The following ASTN1 variants were observed in gnomAD, a reference collection of about 807,000 sequenced individuals.
ASTN1 encodes the protein astrotactin 1, also known as astrotactin-1.
ASTN1 carries 41 observed loss-of-function variants against 140.7 expected under a neutral mutation model. The observed-to-expected ratio is 0.29, with a 90% CI of 0.23 to 0.38. The LOEUF (loss-of-function observed/expected upper bound fraction) is 0.38, where lower values mean the gene tolerates loss of function less well. Ranked by LOEUF, ASTN1 falls within the 10% of genes least tolerant of loss-of-function variation. The probability of loss-of-function intolerance (pLI) is 1.00; values close to 1 mark genes in which losing one functional copy is unlikely to be tolerated. For synonymous variants in ASTN1, 640 were observed against 652.2 expected, an observed-to-expected ratio of 0.98 and a Z score of 0.29; for missense variants, 1,479 against 1,678.8, an observed-to-expected ratio of 0.88 and a Z score of 2.08.
chr1:177,135,647 T>C (rs2102212273), intron 1 of ASTN1, among the ~76,000 whole-genome samples: 1 of 152,320 alleles, frequency 6.6e-6, no homozygotes, highest in Non-Finnish European at 1.5e-5. Context: ...GGGACAGGGC[T>C]GGGCTTGGAT....
Position 177,134,490 on chromosome 1 carries a change from C to A in ASTN1, c.283+29904G>T, listed in dbSNP as rs1682087595. On this transcript the variant is annotated intron_variant, in intron 1 of 22. Coordinates refer to ENST00000361833, the MANE Select transcript of ASTN1 (RefSeq NM_004319.3). Reference sequence around the variant, plus strand: ...TTCTTGATGTTGGTCTGTTCCCCACCAACCCACTGGAGTGGACTTAGGCAA... The same window carrying A: ...TTCTTGATGTTGGTCTGTTCCCCACAAACCCACTGGAGTGGACTTAGGCAA... Among the ~76,000 whole-genome samples the A allele has an allele frequency of 2.0e-5, 3 of 152,166 alleles. No individual in the cohort carries two copies. The South Asian group carries it at 6.2e-4, about 32-fold the overall frequency.
chr1:176,998,144 T>C (rs901596023), intron 8 of ASTN1, among the ~76,000 whole-genome samples: 11 of 152,160 alleles, frequency 7.2e-5, no homozygotes. Context: ...TTAGGGTCAC[T>C]CTATCTCCTT....
intron 1 of ASTN1, among the ~76,000 whole-genome samples, chr1:177,153,453 T>C (rs544920057): frequency 3.9e-5 from 6 of 152,134 alleles, no homozygotes; most frequent in South Asian, 2.1e-4. Context: ...CGACACAAAA[T>C]GGATGAAGAC....
At chr1:177,055,607 G>T (rs901373646) in intron 2 of ASTN1, among the ~76,000 whole-genome samples, 1 of 152,206 alleles carries the variant, frequency 6.6e-6, no homozygotes, top group Non-Finnish European at 1.5e-5. Context: ...CCCCATGAAG[G>T]ATGGCTTGAA....
At chr1:177,139,092 C>T (rs1462335979) in intron 1 of ASTN1, among the ~76,000 whole-genome samples, 1 of 152,148 alleles carries the variant, frequency 6.6e-6, no homozygotes, top group Non-Finnish European at 1.5e-5. Context: ...CAGATGAGAA[C>T]TCATGCATTT....
In ASTN1 at chr1:176,946,057, A is replaced by G. The variant is rs1236144526; in HGVS notation, c.2118T>C (p.Cys706=). Residue 706 remains cysteine (C), a synonymous_variant, in exon 13 of 23, where the codon TGT becomes TGC. Coordinates refer to ENST00000361833, the MANE Select transcript of ASTN1 (RefSeq NM_004319.3). ...TTTCCCCACAGTCACTTCCCTCTGG[A>G]CAGGTCTCCGTGATGAGTTGGCAAG... ...GRSCQLITET[C]PEGSDCGESR... is the part of the protein sequence containing the mutation. 6.2e-7 allele frequency: 1 copy of G among 1,614,062 alleles called. No homozygotes were observed. Among genetic ancestry groups the G allele is most frequent in the South Asian group, 1.1e-5 (1 of 91,066 alleles).
chr1:176,908,312 A>G (rs1670087030), intron 16 of ASTN1, among the ~76,000 whole-genome samples: 1 of 152,168 alleles, frequency 6.6e-6, no homozygotes, highest in African/African-American at 2.4e-5. Flanking sequence ...CCCACTGGCA[A>G]ATAAGGACAT....
intron 1 of ASTN1, among the ~76,000 whole-genome samples, chr1:177,148,208 G>T (rs879368706): frequency 3.3e-5 from 5 of 152,072 alleles, no homozygotes; most frequent in Non-Finnish European, 5.9e-5. Flanking sequence ...CACAAGGTCA[G>T]GAGATCAAGA....
At chr1:177,031,992 AC>A (rs1676467177) in intron 3 of ASTN1, among the ~76,000 whole-genome samples, 1 of 152,206 alleles carries the variant, frequency 6.6e-6, no homozygotes, top group Non-Finnish European at 1.5e-5. Context: ...AGCAAGATAA[AC>A]ATAAAGAAAA....
Position 176,864,501 on chromosome 1 carries a change from G to A in ASTN1, c.3668C>T (p.Ser1223Phe), listed in dbSNP as rs746751064. The change falls in exon 23 of 23, where the codon TCC (serine) becomes TTC (phenylalanine). Residue 1223 changes from serine (S) to phenylalanine (F), a missense_variant. Ser to Phe is a radical substitution (Grantham distance 155, BLOSUM62 -2). Transcript: ENST00000361833. ...CCAACTGCTGAGGTCCCCAAGCTGGGAAAGGATGAGACCAGCTTTCCTATG... is the reference window on the plus strand; with the variant it reads ...CCAACTGCTGAGGTCCCCAAGCTGGAAAAGGATGAGACCAGCTTTCCTATG... ...LGPRKAGLILSQLGDLSSWCN... is the reference protein window; with the variant it reads ...LGPRKAGLILFQLGDLSSWCN... 6.2e-7 allele frequency: 1 copy of A among 1,614,032 alleles called. No individual in the cohort carries two copies. The highest frequency in any genetic ancestry group is 8.5e-7 in the Non-Finnish European group (1 of 1,179,920).
intron 8 of ASTN1, 71 bp from the exon 9 acceptor site, chr1:176,965,308 G>A: frequency 1.3e-6 from 2 of 1,518,356 alleles, no homozygotes; most frequent in Non-Finnish European, 1.8e-6. Context: ...TTCGTATCAG[G>A]CACAGTGCTA....
chr1:177,063,306 TC>T (rs1678189038), intron 1 of ASTN1, among the ~76,000 whole-genome samples: 1 of 152,102 alleles, frequency 6.6e-6, no homozygotes, highest in Admixed American at 6.6e-5. Context: ...AGAGCCCTCT[TC>T]CATCCTTGGC....
At chr1:176,911,432 C>T (rs753018748) in intron 16 of ASTN1, among the ~76,000 whole-genome samples, 4 of 152,124 alleles carry the variant, frequency 2.6e-5, no homozygotes, top group Non-Finnish European at 4.4e-5. Flanking sequence ...TGTGTTCACT[C>T]TTTTGTAATA....
At chr1:177,124,354 G>A (rs1310502102) in intron 1 of ASTN1, among the ~76,000 whole-genome samples, 2 of 152,164 alleles carry the variant, frequency 1.3e-5, no homozygotes, top group Non-Finnish European at 2.9e-5. Flanking sequence ...GCGCATTTGA[G>A]GCCAAATTAT....
At chr1:177,087,446 T>C in intron 1 of ASTN1, among the ~76,000 whole-genome samples, 1 of 152,128 alleles carries the variant, frequency 6.6e-6, no homozygotes, top group East Asian at 1.9e-4. Flanking sequence ...AGCAGAGTGC[T>C]CAGCAAGCCA....
chr1:177,138,584 T>G (rs1369223313), intron 1 of ASTN1, among the ~76,000 whole-genome samples: 1 of 152,174 alleles, frequency 6.6e-6, no homozygotes, highest in Non-Finnish European at 1.5e-5. Context: ...TCCACTGGAC[T>G]GGGACAAATA....
At chr1:177,062,149 A>G (rs1306225749) in intron 1 of ASTN1, among the ~76,000 whole-genome samples, 1 of 152,046 alleles carries the variant, frequency 6.6e-6, no homozygotes, top group Admixed American at 6.6e-5. Context: ...CAGTAGAAAA[A>G]CCTGATTAAC....
chr1:177,155,019 AG>A (rs1683182093), intron 1 of ASTN1, among the ~76,000 whole-genome samples: 1 of 152,218 alleles, frequency 6.6e-6, no homozygotes, highest in East Asian at 1.9e-4. Flanking sequence ...AATATTATTC[AG>A]CAATAAAAAT....
intron 1 of ASTN1, among the ~76,000 whole-genome samples, chr1:177,113,068 C>T (rs923860302): frequency 3.9e-5 from 6 of 152,302 alleles, no homozygotes; most frequent in African/African-American, 1.4e-4. Flanking sequence ...AGGTCAGCAG[C>T]CCTCCTGACT....
Sources: gnomAD v4.1 joint callset for allele counts (sites outside exome capture counted in the v4.1 genomes callset) on GRCh38, gnomAD v4.1.1 for gene constraint, MANE v1.5 for transcripts, NCBI Gene and HGNC (gene_info 2026-07-23, HGNC 2026-07-21) for gene names.